The following MYO16 variants were observed in gnomAD, a reference collection of about 807,000 sequenced individuals.
MYO16 encodes unconventional myosin-XVI.
MYO16 carries 94 observed loss-of-function variants against 205.3 expected under a neutral mutation model. The ratio of observed to expected loss-of-function variants is 0.46; its 90% CI spans 0.39 to 0.54. The LOEUF (loss-of-function observed/expected upper bound fraction) is 0.54. Among genes scored for constraint, MYO16 ranks in the 20% least tolerant of loss-of-function variants. The pLI, the probability that MYO16 is intolerant of heterozygous loss-of-function variation, is 0.00. For synonymous variants in MYO16, 988 were observed against 954.0 expected (o/e 1.04, Z -0.66); for missense variants, 2,315 against 2,387.5 (o/e 0.97, Z 0.63).
chr13:108,888,359 C>G lies in MYO16; in HGVS notation c.1554-13C>G, dbSNP rs1420683857. The G allele has an allele frequency of 6.4e-7, 1 of 1,556,664 alleles. No individual in the cohort carries two copies. The highest frequency in any genetic ancestry group is 8.7e-7 in the Non-Finnish European group (1 of 1,150,630). On this transcript the variant is annotated splice_polypyrimidine_tract_variant and intron_variant, in intron 13 of 34. Transcript: ENST00000457511. ...TCCTTCAAACTTATGTTTTTCCTCT[C>G]TGTTTTCCTTAGTGGAGAAAGGGGA...
At chr13:108,635,292 C>A (rs1394916832) in intron 1 of MYO16, among the ~76,000 whole-genome samples, 3 of 152,136 alleles carry the variant, frequency 2.0e-5, no homozygotes, top group African/African-American at 7.2e-5. Flanking sequence ...TCAACTCCAT[C>A]GTCGAAATAT....
chr13:109,063,691 G>A (rs1253983831), intron 27 of MYO16, among the ~76,000 whole-genome samples: 1 of 152,140 alleles, frequency 6.6e-6, no homozygotes, highest in Non-Finnish European at 1.5e-5. Context: ...AACTAAAACA[G>A]CCGTGTTTGT....
intron 27 of MYO16, among the ~76,000 whole-genome samples, chr13:109,098,040 C>CAACAGAAAGTTCTCATAGTCCTGG (rs1723140752): frequency 6.8e-6 from 1 of 148,122 alleles, no homozygotes; most frequent in Admixed American, 6.8e-5. Context: ...CTGTGTGGCT[C>CAACAGAAAGTTCTCATAGTCCTGG]ATGAGCAACA....
chr13:108,883,979 G>T (rs1384943577), intron 13 of MYO16, among the ~76,000 whole-genome samples: 1 of 152,080 alleles, frequency 6.6e-6, no homozygotes, highest in Non-Finnish European at 1.5e-5. Context: ...CCAATTAATA[G>T]AAAATTAAAG....
chr13:108,675,558 T>G (rs1882165858), intron 2 of MYO16, among the ~76,000 whole-genome samples: 1 of 152,152 alleles, frequency 6.6e-6, no homozygotes, highest in African/African-American at 2.4e-5. Context: ...TGAGAATAAT[T>G]GAAAAAAGAG....
chr13:108,909,919 C>A, intron 15 of MYO16, 84 bp from the exon 16 acceptor site: 1 of 1,386,318 alleles, frequency 7.2e-7, no homozygotes, highest in South Asian at 1.3e-5. Flanking sequence ...CCTTGTATCT[C>A]TTGTAATTAA....
At chr13:108,732,645 C>T (rs1406130136) in intron 4 of MYO16, among the ~76,000 whole-genome samples, 2 of 152,114 alleles carry the variant, frequency 1.3e-5, no homozygotes, top group African/African-American at 4.8e-5. Context: ...ACTTGAGAAT[C>T]TGCTTTCAAC....
intron 5 of MYO16, among the ~76,000 whole-genome samples, chr13:108,791,031 A>G (rs1351315693): frequency 6.6e-6 from 1 of 152,244 alleles, no homozygotes; most frequent in East Asian, 1.9e-4. Flanking sequence ...CTACTTTAGC[A>G]TGCAAAATTG....
intron 27 of MYO16, among the ~76,000 whole-genome samples, chr13:109,099,599 G>A (rs1268943984): frequency 2.6e-5 from 4 of 152,070 alleles, no homozygotes; most frequent in Admixed American, 6.6e-5. Flanking sequence ...GGATTTGAAC[G>A]TAGGGACCTT....
At chr13:108,500,077 G>A in the MYO16 span, among the ~76,000 whole-genome samples, 2 of 151,542 alleles carry the variant, frequency 1.3e-5, no homozygotes, top group African/African-American at 2.4e-5. Flanking sequence ...GCATGTGCCT[G>A]GCCTCCACGT....
chr13:108,693,911 C>G (rs1566554058), intron 2 of MYO16, among the ~76,000 whole-genome samples: 1 of 152,132 alleles, frequency 6.6e-6, no homozygotes, highest in Non-Finnish European at 1.5e-5. Flanking sequence ...CACTATGTGT[C>G]CATGTGTTCT....
chr13:108,863,280 A>T (rs1878541358), intron 11 of MYO16, among the ~76,000 whole-genome samples: 1 of 152,226 alleles, frequency 6.6e-6, no homozygotes, highest in African/African-American at 2.4e-5. Context: ...CAATCCCAGA[A>T]AAAAGCTTTG....
chr13:108,695,269 T>C (rs892286666), intron 2 of MYO16, among the ~76,000 whole-genome samples: 4 of 152,198 alleles, frequency 2.6e-5, no homozygotes, highest in African/African-American at 9.6e-5. Flanking sequence ...CACCACTTGT[T>C]GAAGACACAC....
chr13:108,653,436 G>GT (rs1881100490), intron 1 of MYO16, among the ~76,000 whole-genome samples: 1 of 152,010 alleles, frequency 6.6e-6, no homozygotes, highest in African/African-American at 2.4e-5. Flanking sequence ...TGTGCTTTTG[G>GT]TGTCATAGCT....
chr13:108,801,798 G>A (rs963832204), intron 6 of MYO16, among the ~76,000 whole-genome samples: 8 of 152,160 alleles, frequency 5.3e-5, no homozygotes, highest in African/African-American at 1.2e-4. Context: ...CAAAGAGACC[G>A]TGCATGTAAA....
intron 1 of MYO16, among the ~76,000 whole-genome samples, chr13:108,631,438 G>T (rs1879976997): frequency 6.6e-6 from 1 of 152,158 alleles, no homozygotes; most frequent in South Asian, 2.1e-4. Context: ...TCGGAAAATT[G>T]TAGACATTTC....
chr13:109,140,438 T>C lies in MYO16; in HGVS notation c.4226T>C (p.Leu1409Pro), dbSNP rs1208125394. Residue 1409 changes from leucine to proline, a missense_variant, in exon 32 of 35, where the codon CTG becomes CCG. By Grantham distance (98) the Leu-to-Pro change is moderately conservative. Transcript: ENST00000457511. This position sits in a 1 kb window ranked among gnomAD's most constrained non-coding sequence, Gnocchi z 8.0. ...GCCCCGGGGGCAGCAGCGCGCGTTC[T>C]GACCCCCGGGACTCCGCAGTGCGCG... ...AGAPGAAARV[L>P]TPGTPQCALP... is the part of the protein sequence containing the mutation. The C allele has an allele frequency of 5.8e-6, 9 of 1,556,810 alleles. No homozygotes were observed. The highest frequency in any genetic ancestry group is 7.8e-6 in the Non-Finnish European group (9 of 1,158,522).
rs182093446 is a variant in MYO16, at chr13:109,143,484, G to T, written c.5164+2108G>T. 5.9e-5 allele frequency among the ~76,000 whole-genome samples: 9 copies of T among 152,230 alleles called. No individual in the cohort carries two copies. The East Asian group carries it at 1.7e-3, about 29-fold the overall frequency. On this transcript the variant is annotated intron_variant, in intron 32 of 34. Transcript: ENST00000457511. ...AATGGATAAGAGAAAATCATTAAAT[G>T]AACAAATTAATATTTGCTTTTAGAA...
chr13:108,933,825 C>G (rs1202820380), intron 16 of MYO16, among the ~76,000 whole-genome samples: 1 of 152,084 alleles, frequency 6.6e-6, no homozygotes, highest in African/African-American at 2.4e-5. Context: ...GTGTTCAGTT[C>G]CCTCTTATAA....
Sources: gnomAD v4.1 joint callset for allele counts (sites outside exome capture counted in the v4.1 genomes callset) on GRCh38, gnomAD v4.1.1 for gene constraint, Gnocchi (gnomAD v3.1) non-coding constraint, MANE v1.5 for transcripts, NCBI Gene and HGNC (gene_info 2026-07-23, HGNC 2026-07-21) for gene names.